SLC30A8: variants seen among roughly 807,000 people sequenced by gnomAD.
The protein encoded by SLC30A8 is solute carrier family 30 member 8.
A neutral mutation model predicts 36.9 loss-of-function variants in SLC30A8; 27 were observed. The observed-to-expected ratio is 0.73, with a 90% confidence interval of 0.54 to 1.01. The LOEUF is 1.01. Ranked by LOEUF, SLC30A8 falls within the 50% of genes least tolerant of loss-of-function variation. SLC30A8 has a pLI of 0.00. For missense variants in SLC30A8, 439 were observed against 452.0 expected (o/e 0.97, Z 0.26); for synonymous variants, 164 against 172.4 (o/e 0.95, Z 0.38).
chr8:117,049,448 C>T (rs1038405202), intron 2 of SLC30A8, among the ~76,000 whole-genome samples: 1 of 152,186 alleles, frequency 6.6e-6, no homozygotes, highest in Non-Finnish European at 1.5e-5. Context: ...TATCTGAATA[C>T]GCTCTGTAGT....
chr8:117,073,255 T>C (rs924892479), intron 2 of SLC30A8, among the ~76,000 whole-genome samples: 2 of 150,650 alleles, frequency 1.3e-5, no homozygotes, highest in African/African-American at 4.9e-5. Context: ...AATATTTCTT[T>C]CACTTTTTTT....
intron 2 of SLC30A8, among the ~76,000 whole-genome samples, chr8:117,075,660 T>C (rs1818466386): frequency 6.6e-6 from 1 of 152,232 alleles, no homozygotes; most frequent in Non-Finnish European, 1.5e-5. Flanking sequence ...CGTCTTTTTA[T>C]TGGTTTTCTC....
intron 6 of SLC30A8, among the ~76,000 whole-genome samples, chr8:117,168,309 T>A (rs2129738443): frequency 6.6e-6 from 1 of 152,274 alleles, no homozygotes; most frequent in South Asian, 2.1e-4. Flanking sequence ...TCACAACCAC[T>A]GAGTATTATC....
chr8:117,151,483 G>A (rs1822187825), intron 2 of SLC30A8, among the ~76,000 whole-genome samples: 1 of 152,344 alleles, frequency 6.6e-6, no homozygotes, highest in South Asian at 2.1e-4. Context: ...ACTGCCCGCA[G>A]TTTTCTGGAT....
intron 1 of SLC30A8, among the ~76,000 whole-genome samples, chr8:116,974,761 A>G (rs1442364471): frequency 1.3e-5 from 2 of 152,128 alleles, no homozygotes; most frequent in African/African-American, 2.4e-5. Context: ...GGCACTATTC[A>G]CAATAACAGA....
chr8:117,163,416 T>A lies in SLC30A8; in HGVS notation c.724-9T>A, dbSNP rs1183209211. ...TTCAGTTAACCAAAATCCCTGTTTT[T>A]TTTTCTAGCCAGAGTATAAAATAGC... On this transcript the variant is annotated splice_polypyrimidine_tract_variant and intron_variant, in intron 5 of 7. Coordinates refer to ENST00000456015, the MANE Select transcript of SLC30A8 (RefSeq NM_173851.3). 3.1e-6 allele frequency: 5 copies of A among 1,607,666 alleles called. No homozygotes were observed. The African/African-American group carries it at 4.0e-5, about 13-fold the overall frequency.
intron 6 of SLC30A8, chr8:117,164,062 C>T (rs1285704801): frequency 6.6e-6 from 1 of 152,438 alleles, no homozygotes; most frequent in East Asian, 1.9e-4. Flanking sequence ...CTATGAGGTT[C>T]AGGTGTCTGC....
intron 2 of SLC30A8, among the ~76,000 whole-genome samples, chr8:117,105,188 A>G (rs533315570): frequency 6.6e-6 from 1 of 152,116 alleles, no homozygotes; most frequent in East Asian, 1.9e-4. Context: ...TCTCAGCCTC[A>G]TTTTACCCAG....
intron 5 of SLC30A8, among the ~76,000 whole-genome samples, chr8:117,162,185 GAA>G (rs1255932634): frequency 6.6e-6 from 1 of 152,272 alleles, no homozygotes; most frequent in East Asian, 1.9e-4. Context: ...CATCAAAGTA[GAA>G]ATAAGGGCAA....
At chr8:117,051,843 A>AT (rs1817719937) in intron 2 of SLC30A8, among the ~76,000 whole-genome samples, 1 of 151,644 alleles carries the variant, frequency 6.6e-6, no homozygotes, top group Non-Finnish European at 1.5e-5. Flanking sequence ...AAATAAAAAA[A>AT]CCGAGCCTGG....
chr8:117,124,912 C>A (rs574890406), intron 2 of SLC30A8, among the ~76,000 whole-genome samples: 2 of 151,750 alleles, frequency 1.3e-5, no homozygotes, highest in African/African-American at 2.4e-5. Context: ...TGTACATGTA[C>A]CCCTTGTATC....
intron 1 of SLC30A8, among the ~76,000 whole-genome samples, chr8:117,143,699 C>CACATGA: frequency 6.6e-6 from 1 of 151,980 alleles, no homozygotes; most frequent in South Asian, 2.1e-4. Context: ...CACACACACT[C>CACATGA]ACACATGAAC....
At chr8:117,061,394 T>C (rs1264036415) in intron 2 of SLC30A8, among the ~76,000 whole-genome samples, 6 of 152,240 alleles carry the variant, frequency 3.9e-5, no homozygotes, top group Admixed American at 3.3e-4. Flanking sequence ...TTCCTATAAC[T>C]GATACATAGT....
chr8:116,981,859 A>G (rs548538807), intron 1 of SLC30A8, among the ~76,000 whole-genome samples: 4 of 152,302 alleles, frequency 2.6e-5, no homozygotes, highest in South Asian at 2.1e-4. Flanking sequence ...GCTATTGTGA[A>G]TAGTGCTGTG....
upstream of SLC30A8, chr8:116,950,234 C>G (rs1221368155): frequency 6.2e-6 from 1 of 161,806 alleles, no homozygotes; most frequent in Non-Finnish European, 1.3e-5. Flanking sequence ...GAGCGGACGC[C>G]GAGGCCGAGG....
intron 1 of SLC30A8, among the ~76,000 whole-genome samples, chr8:117,001,798 C>T (rs1204036784): frequency 2.0e-5 from 3 of 152,124 alleles, no homozygotes; most frequent in Non-Finnish European, 4.4e-5. Context: ...ACCATAATAT[C>T]ATATTAGCTA....
chr8:117,122,282 AG>A (rs1820725267), intron 2 of SLC30A8, among the ~76,000 whole-genome samples: 1 of 151,962 alleles, frequency 6.6e-6, no homozygotes. Flanking sequence ...CTTTAATAAT[AG>A]GTGACATGTC....
At chr8:117,169,977 G>A (rs1823289387) in intron 6 of SLC30A8, among the ~76,000 whole-genome samples, 1 of 152,050 alleles carries the variant, frequency 6.6e-6, no homozygotes, top group Admixed American at 6.6e-5. Context: ...CTGGGGTTGG[G>A]GCTGGCTTTG....
intron 2 of SLC30A8, among the ~76,000 whole-genome samples, chr8:117,093,128 T>G (rs1819202341): frequency 6.6e-6 from 1 of 151,878 alleles, no homozygotes; most frequent in Non-Finnish European, 1.5e-5. Flanking sequence ...CAACCTCCTC[T>G]CCTCCTTAAT....
Sources: gnomAD v4.1 joint callset for allele counts (sites outside exome capture counted in the v4.1 genomes callset) on GRCh38, gnomAD v4.1.1 for gene constraint, MANE v1.5 for transcripts, NCBI Gene and HGNC (gene_info 2026-07-23, HGNC 2026-07-21) for gene names.